SIN3B: variants seen among roughly 807,000 people sequenced by gnomAD.
SIN3B encodes the protein SIN3 transcription regulator family member B.
A neutral mutation model predicts 120.2 loss-of-function variants in SIN3B; 19 were observed. The ratio of observed to expected loss-of-function variants is 0.16; its 90% CI spans 0.11 to 0.23. The LOEUF (loss-of-function observed/expected upper bound fraction) is 0.23. Ranked by LOEUF, SIN3B falls within the 10% of genes least tolerant of loss-of-function variation. SIN3B has a pLI of 1.00. For missense variants in SIN3B, 1,073 were observed against 1,573.0 expected (o/e 0.68, Z 5.38); for synonymous variants, 654 against 653.2 (o/e 1.00, Z -0.02).
At chr19:16,839,722 C>A (rs993143352) in intron 3 of SIN3B, among the ~76,000 whole-genome samples, 8 of 152,120 alleles carry the variant, frequency 5.3e-5, no homozygotes, top group African/African-American at 1.4e-4. Flanking sequence ...GAGAATCTTA[C>A]AACAAACCCC....
Position 16,829,432 on chromosome 19 carries a change from T to A in SIN3B, c.12T>A (p.Ala4=), listed in dbSNP as rs1971247820. Residue 4 remains alanine, a synonymous_variant, in exon 1 of 19, where the codon GCT becomes GCA. Coordinates refer to ENST00000248054, the MANE Select transcript of SIN3B (RefSeq NM_001297595.2). ...CTCCGACTTCGGACATGGCGCACGC[T>A]GGCGGTGGCAGCGGTGGCAGCGGTG... The part of the protein sequence containing the change: MAH[A]GGGSGGSGAG... 2 of 1,206,904 alleles carry A rather than the reference T, an allele frequency of 1.7e-6. No homozygotes were observed. Among genetic ancestry groups the A allele is most frequent in the Middle Eastern group, 3.3e-4 (1 of 3,064 alleles). The allele number at this position is 1,206,904 out of a possible 1,614,324, so 74.8% of individuals were successfully genotyped here.
Position 16,841,836 on chromosome 19 carries a change from A to G in SIN3B, c.450A>G (p.Lys150=). The change falls in exon 4 of 19, where the codon AAA becomes AAG. Residue 150 remains lysine, a synonymous_variant. Transcript: ENST00000248054. ...FKQQVPYKED[K]PQVPLESDSV... is the part of the protein sequence containing the mutation. ...AGCAGGTGCCGTATAAAGAGGACAA[A>G]CCCCAGGTGCCCCTGGAGTCCGATT... The G allele has an allele frequency of 6.2e-7, 1 of 1,613,802 alleles. No individual in the cohort carries two copies. Among genetic ancestry groups the G allele is most frequent in the Non-Finnish European group, 8.5e-7 (1 of 1,179,988 alleles).
intron 3 of SIN3B, among the ~76,000 whole-genome samples, chr19:16,841,451 G>A (rs759242416): frequency 1.3e-5 from 2 of 152,116 alleles, no homozygotes; most frequent in African/African-American, 2.4e-5. Context: ...CCAGCACTTG[G>A]CACCACAGAG....
chr19:16,866,186 G>T (rs1971769863), intron 11 of SIN3B, among the ~76,000 whole-genome samples, 187 bp from the exon 12 acceptor site: 1 of 152,152 alleles, frequency 6.6e-6, no homozygotes, highest in South Asian at 2.1e-4. Flanking sequence ...GGCCACATTG[G>T]CTCTGTAAGG....
Position 16,865,260 on chromosome 19 carries a change from C to T in SIN3B, c.1384-150C>T, listed in dbSNP as rs1270506713. On this transcript the variant is annotated intron_variant, in intron 10 of 18. Coordinates refer to ENST00000248054, the MANE Select transcript of SIN3B (RefSeq NM_001297595.2). Reference sequence around the variant, plus strand: ...AGTGAGCTTTGATTGTGCCACAGCACTCAAGTCTGGGTGACAGAGCAAGAC... The same window carrying T: ...AGTGAGCTTTGATTGTGCCACAGCATTCAAGTCTGGGTGACAGAGCAAGAC... The T allele has an allele frequency of 9.7e-6, 6 of 617,862 alleles. No homozygotes were observed. In the African/African-American group the frequency reaches 1.1e-4, roughly 11 times the overall value. The allele number at this position is 617,862 out of a possible 1,614,324, so 38.3% of individuals were successfully genotyped here.
In SIN3B at chr19:16,853,129, A is replaced by G; in HGVS notation, c.910A>G (p.Thr304Ala). Reference protein sequence around the residue: ...LSIAAVGKYGTLQEFSFFDKV... With the variant: ...LSIAAVGKYGALQEFSFFDKV... ...CATCGCTGCAGTGGGGAAGTACGGG[A>G]CTCTGCAGGAATTTTCTTTCTTTGA... Residue 304 changes from threonine to alanine, a missense_variant, in exon 7 of 19, where the codon ACT becomes GCT. Thr to Ala is a moderately conservative substitution (Grantham distance 58). Coordinates refer to ENST00000248054, the MANE Select transcript of SIN3B (RefSeq NM_001297595.2). 1 of 1,614,012 alleles carries G rather than the reference A, an allele frequency of 6.2e-7. No individual in the cohort carries two copies. The highest frequency in any genetic ancestry group is 1.1e-5 in the South Asian group (1 of 91,074).
intron 8 of SIN3B, among the ~76,000 whole-genome samples, chr19:16,861,931 T>C (rs1237822161): frequency 6.6e-6 from 1 of 152,068 alleles, no homozygotes; most frequent in African/African-American, 2.4e-5. Context: ...TAAGACACTA[T>C]CTCTAAAAAG....
intron 5 of SIN3B, among the ~76,000 whole-genome samples, chr19:16,848,341 G>A (rs1221649220): frequency 6.6e-6 from 1 of 150,986 alleles, no homozygotes; most frequent in Non-Finnish European, 1.5e-5. Context: ...GTTTTCTACA[G>A]TGACCGCACC....
chr19:16,870,371 A>G (rs770690121), intron 13 of SIN3B, among the ~76,000 whole-genome samples: 3 of 146,366 alleles, frequency 2.0e-5, no homozygotes, highest in Non-Finnish European at 4.5e-5. Flanking sequence ...CCAGCTCCAC[A>G]GTACCCTTTT....
At chr19:16,840,241 G>C (rs1319787809) in intron 3 of SIN3B, among the ~76,000 whole-genome samples, 1 of 152,128 alleles carries the variant, frequency 6.6e-6, no homozygotes, top group African/African-American at 2.4e-5. Flanking sequence ...CTTTGAAGAG[G>C]TGATTTAACT....
Position 16,837,266 on chromosome 19 carries a change from C to T in SIN3B, c.382-4502C>T, listed in dbSNP as rs554122069. On this transcript the variant is annotated intron_variant, in intron 3 of 18. Transcript: ENST00000248054. ...AGAACCACTGGATGGTTCTGGGAGG[C>T]GGTTCTGCTGCTGTGCTGAGAATGA... Among the ~76,000 whole-genome samples, 5 of 152,020 alleles carry T rather than the reference C, an allele frequency of 3.3e-5. No individual in the cohort carries two copies. The South Asian group carries it at 6.2e-4, about 19-fold the overall frequency.
At chr19:16,838,020 T>A (rs1178352558) in intron 3 of SIN3B, among the ~76,000 whole-genome samples, 1 of 151,860 alleles carries the variant, frequency 6.6e-6, no homozygotes, top group Non-Finnish European at 1.5e-5. Context: ...GAACTCTGCC[T>A]GATGAGGCCA....
In SIN3B at chr19:16,848,797, G is replaced by A. The variant is rs1390350056; in HGVS notation, c.726+1684G>A. 4.6e-5 allele frequency among the ~76,000 whole-genome samples: 7 copies of A among 152,070 alleles called. No homozygotes were observed. In the East Asian group the frequency reaches 7.7e-4, roughly 17 times the overall value. On this transcript the variant is annotated intron_variant, in intron 5 of 18. Transcript: ENST00000248054. ...ATTACAGGTGTGAGCCACTGCGCCC[G>A]GCCTACTTTTATTTTTTAATTGTAG...
intron 14 of SIN3B, among the ~76,000 whole-genome samples, chr19:16,872,211 A>G (rs1599614168): frequency 6.6e-6 from 1 of 152,106 alleles, no homozygotes; most frequent in African/African-American, 2.4e-5. Flanking sequence ...TGGAAAAAAA[A>G]TAATGCCATT....
intron 11 of SIN3B, 26 bp downstream of exon 11, chr19:16,865,674 T>TTCCCC: frequency 7.1e-7 from 1 of 1,403,600 alleles, no homozygotes; most frequent in Non-Finnish European, 9.8e-7. Flanking sequence ...CCGACTTCCC[T>TTCCCC]TCCCCTTCCC....
chr19:16,854,581 G>C (rs1971587855), intron 8 of SIN3B: 2 of 220,576 alleles, frequency 9.1e-6, no homozygotes, highest in African/African-American at 2.3e-5. Context: ...TTTCTGGTCT[G>C]AGTGGAGTTT....
chr19:16,842,373 G>A (rs1011199003), intron 4 of SIN3B, among the ~76,000 whole-genome samples: 50 of 149,704 alleles, frequency 3.3e-4, no homozygotes, highest in Non-Finnish European at 6.3e-4. Flanking sequence ...AAAGTGCTGG[G>A]ATTACAGGTG....
intron 3 of SIN3B, among the ~76,000 whole-genome samples, chr19:16,835,115 G>A (rs565315078): frequency 8.4e-4 from 127 of 151,590 alleles, no homozygotes; most frequent in African/African-American, 9.0e-4. Context: ...TAGTAGAGAC[G>A]GGGTTTCTCC....
intron 4 of SIN3B, chr19:16,844,128 G>C (rs569225168): frequency 6.6e-6 from 1 of 152,304 alleles, no homozygotes. Flanking sequence ...ACAGGCGTGG[G>C]CCACCATACC....
Sources: gnomAD v4.1 joint callset for allele counts (sites outside exome capture counted in the v4.1 genomes callset) on GRCh38, gnomAD v4.1.1 for gene constraint, MANE v1.5 for transcripts, NCBI Gene and HGNC (gene_info 2026-07-23, HGNC 2026-07-21) for gene names.